The following ODAD2 variants were observed in gnomAD, a reference collection of about 807,000 sequenced individuals.
ODAD2 encodes the protein outer dynein arm docking complex subunit 2.
In ODAD2, 89 loss-of-function variants were observed where a neutral mutation model predicts 106.8. The observed-to-expected ratio is 0.83, with a 90% CI of 0.70 to 0.99. The LOEUF is 0.99. Among genes scored for constraint, ODAD2 ranks in the 50% least tolerant of loss-of-function variants. The probability of loss-of-function intolerance (pLI) is 0.00; values close to 1 mark genes in which losing one functional copy is unlikely to be tolerated. For synonymous variants in ODAD2, 404 were observed against 436.2 expected (o/e 0.93, Z 0.92); for missense variants, 1,168 against 1,238.5 (o/e 0.94, Z 0.85).
chr10:27,917,809 G>C (rs1844503918), intron 16 of ODAD2, among the ~76,000 whole-genome samples: 1 of 151,692 alleles, frequency 6.6e-6, no homozygotes, highest in Non-Finnish European at 1.5e-5. Context: ...CCAAAAAAGA[G>C]ACTGATGGAG....
At chr10:27,841,634 G>C (rs1356521662) in intron 19 of ODAD2, among the ~76,000 whole-genome samples, 1 of 152,024 alleles carries the variant, frequency 6.6e-6, no homozygotes, top group East Asian at 1.9e-4. Flanking sequence ...GACCTCAGGT[G>C]ATCTGCCTGC....
intron 19 of ODAD2, among the ~76,000 whole-genome samples, chr10:27,818,386 G>C (rs1183885893): frequency 6.6e-6 from 1 of 151,804 alleles, no homozygotes. Context: ...GATTCATAAG[G>C]GTTCATGAGT....
intron 16 of ODAD2, among the ~76,000 whole-genome samples, chr10:27,928,924 C>G (rs1845434739): frequency 6.6e-6 from 1 of 152,026 alleles, no homozygotes; most frequent in African/African-American, 2.4e-5. Context: ...TATATGGTGA[C>G]CAAGACACTG....
At chr10:27,954,239 A>G (rs1005698865) in intron 10 of ODAD2, among the ~76,000 whole-genome samples, 1 of 152,202 alleles carries the variant, frequency 6.6e-6, no homozygotes, top group African/African-American at 2.4e-5. Context: ...GGAACCAGCC[A>G]GTACCACTAC....
rs375243071 is a variant in ODAD2, at chr10:27,857,245, A to T, written c.3021+3380T>A. Among the ~76,000 whole-genome samples, 15 of 152,110 alleles carry T rather than the reference A, an allele frequency of 9.9e-5. No individual in the cohort carries two copies. In the East Asian group the frequency reaches 1.9e-3, roughly 20 times the overall value. ...TCCACTTCCATTTAATAAACAGTAA[A>T]TATATTTTCTCTTCCTTATGATTCT... On this transcript the variant is annotated intron_variant, in intron 19 of 19. Coordinates refer to ENST00000305242, the MANE Select transcript of ODAD2 (RefSeq NM_018076.5).
chr10:27,879,757 G>C (rs1175847710), intron 17 of ODAD2, among the ~76,000 whole-genome samples: 3 of 152,130 alleles, frequency 2.0e-5, no homozygotes, highest in Admixed American at 1.3e-4. Flanking sequence ...TGGTAGATAA[G>C]AGTCTACTAA....
chr10:27,860,035 C>G (rs192101263), intron 19 of ODAD2, among the ~76,000 whole-genome samples: 82 of 152,262 alleles, frequency 5.4e-4, no homozygotes, highest in African/African-American at 1.9e-3. Context: ...ACTGCTTGTC[C>G]ATATGCTGTA....
At chr10:27,990,070 A>G (rs543420762) in intron 2 of ODAD2, among the ~76,000 whole-genome samples, 1 of 152,268 alleles carries the variant, frequency 6.6e-6, no homozygotes, top group Admixed American at 6.5e-5. Context: ...CGTGGAAGGG[A>G]GCTAAAAATT....
chr10:27,862,315 A>G (rs1840104207), intron 18 of ODAD2, 119 bp downstream of exon 18: 2 of 661,294 alleles, frequency 3.0e-6, no homozygotes. Flanking sequence ...CTCATACCTC[A>G]TAAGCAATGG....
chr10:27,829,082 A>G (rs1589767295), intron 19 of ODAD2, among the ~76,000 whole-genome samples: 2 of 152,192 alleles, frequency 1.3e-5, no homozygotes, highest in Non-Finnish European at 2.9e-5. Flanking sequence ...TATTATCCAG[A>G]AGAGATGAAG....
intron 8 of ODAD2, among the ~76,000 whole-genome samples, chr10:27,970,589 A>G (rs1017530984): frequency 1.3e-5 from 2 of 152,206 alleles, no homozygotes; most frequent in Non-Finnish European, 2.9e-5. Context: ...CTTTCTGCTT[A>G]GAATACAAAG....
chr10:27,979,550 C>G (rs781461205), intron 7 of ODAD2, among the ~76,000 whole-genome samples: 1 of 151,594 alleles, frequency 6.6e-6, no homozygotes, highest in Non-Finnish European at 1.5e-5. Flanking sequence ...TTTGATCACT[C>G]AAAAGCTGTA....
chr10:27,988,091 T>C (rs1055222758), intron 2 of ODAD2, among the ~76,000 whole-genome samples: 1 of 151,360 alleles, frequency 6.6e-6, no homozygotes, highest in African/African-American at 2.4e-5. Context: ...TGGTTTGCCT[T>C]GGGATAATAG....
chr10:27,934,819 C>T (rs1462933404), intron 16 of ODAD2, among the ~76,000 whole-genome samples, 191 bp downstream of exon 16: 1 of 152,096 alleles, frequency 6.6e-6, no homozygotes, highest in Non-Finnish European at 1.5e-5. Flanking sequence ...CCAACTTAGC[C>T]CTCCATCTCA....
At chr10:27,972,055 A>G (rs1016940297) in intron 7 of ODAD2, among the ~76,000 whole-genome samples, 1 of 152,212 alleles carries the variant, frequency 6.6e-6, no homozygotes, top group Non-Finnish European at 1.5e-5. Flanking sequence ...TCTAACATAT[A>G]ATTGACTATC....
At chr10:27,901,398 A>G (rs1191070934) in intron 17 of ODAD2, among the ~76,000 whole-genome samples, 3 of 152,160 alleles carry the variant, frequency 2.0e-5, no homozygotes, top group Non-Finnish European at 4.4e-5. Flanking sequence ...TGAAGAAACT[A>G]TATCAACTAA....
At chr10:27,944,017 A>T (rs969567064) in intron 12 of ODAD2, among the ~76,000 whole-genome samples, 3 of 152,060 alleles carry the variant, frequency 2.0e-5, no homozygotes, top group African/African-American at 7.2e-5. Context: ...TTCTTCAAAA[A>T]ATGAGTTTGA....
At chr10:27,890,886 A>G (rs780677138) in intron 17 of ODAD2, among the ~76,000 whole-genome samples, 6 of 152,000 alleles carry the variant, frequency 3.9e-5, no homozygotes, top group African/African-American at 1.4e-4. Context: ...ATGACAACTG[A>G]CCCCAAACAG....
intron 19 of ODAD2, chr10:27,813,542 G>T (rs541700427): frequency 6.6e-5 from 10 of 152,242 alleles, no homozygotes; most frequent in African/African-American, 1.9e-4. Context: ...CCTGGTAAAA[G>T]ATTTTTTAAA....
Sources: allele counts gnomAD v4.1 joint callset (sites outside exome capture counted in the v4.1 genomes callset), GRCh38; gene constraint gnomAD v4.1.1; transcripts MANE v1.5; gene names NCBI Gene and HGNC (gene_info 2026-07-23, HGNC 2026-07-21).